The following MROH6 variants were observed in gnomAD, a reference collection of about 807,000 sequenced individuals.
MROH6 encodes the protein maestro heat-like repeat-containing protein family member 6.
Under a neutral mutation model 67.7 loss-of-function variants are expected in MROH6, and 62 were observed. The observed-to-expected ratio is 0.92, with a 90% CI of 0.75 to 1.13. MROH6 has a LOEUF of 1.13. Ranked by LOEUF, MROH6 falls within the 50% of genes most tolerant of loss-of-function variation. The probability of loss-of-function intolerance (pLI) is 0.00; values close to 1 mark genes in which losing one functional copy is unlikely to be tolerated. For missense variants in MROH6, 1,175 were observed against 1,029.1 expected (o/e 1.14, Z -1.94); for synonymous variants, 566 against 470.8 (o/e 1.20, Z -2.62).
rs1823861078 is a variant in MROH6, at chr8:143,569,456, A to T, written c.1461T>A (p.Pro487=). ...LLSAELGPRL[P]PLLDDTRDSI... ...GTTTGCTCACGTCGTCCAGTAGCGG[A>T]GGGAGGCGCGGTCCCAGCTCCGCGC... Residue 487 remains proline (P), a synonymous_variant, in exon 9 of 14, where the codon CCT becomes CCA. Transcript: ENST00000398882. 6.9e-7 allele frequency: 1 copy of T among 1,459,398 alleles called. No homozygotes were observed. The highest frequency in any genetic ancestry group is 2.6e-5 in the Admixed American group (1 of 38,166). 90.4% of individuals were successfully genotyped at this position (1,459,398 alleles called of 1,614,324 possible).
chr8:143,571,497 A>C (rs1182854252), intron 3 of MROH6, among the ~76,000 whole-genome samples, 170 bp downstream of exon 3: 1 of 152,230 alleles, frequency 6.6e-6, no homozygotes, highest in East Asian at 1.9e-4. Flanking sequence ...GAGTTTGCGG[A>C]GCTAAAAATG....
rs1022184348 is a variant in MROH6, at chr8:143,570,921, A to G, written c.676T>C (p.Trp226Arg). Reference sequence around the variant, plus strand: ...GGCCCCGAAGCACCCTTCAGCGCCCACAGCAGTTGCACCAGCACCTGCCCA... The same window carrying G: ...GGCCCCGAAGCACCCTTCAGCGCCCGCAGCAGTTGCACCAGCACCTGCCCA... ...VNGQVLVQLL[W>R]ALKGASGPEP... Residue 226 changes from tryptophan to arginine, a missense_variant, in exon 4 of 14, where the codon TGG becomes CGG. Physicochemically the swap from Trp to Arg is moderately radical, Grantham distance 101. Coordinates refer to ENST00000398882, the MANE Select transcript of MROH6 (RefSeq NM_001100878.2). 6 of 1,362,640 alleles carry G rather than the reference A, an allele frequency of 4.4e-6. No individual in the cohort carries two copies. In the African/African-American group the frequency reaches 9.7e-5, roughly 22 times the overall value. 84.4% of individuals were successfully genotyped at this position (1,362,640 alleles called of 1,614,324 possible). A position where few individuals can be genotyped will look rare whatever the true frequency, so the allele number is the denominator to read the frequency against.
chr8:143,572,678 C>A lies in MROH6; in HGVS notation c.37G>T (p.Glu13Ter). 2 of 1,532,694 alleles carry A rather than the reference C, an allele frequency of 1.3e-6. No homozygotes were observed. The highest frequency in any genetic ancestry group is 2.4e-5 in the South Asian group (2 of 83,646). The allele number at this position is 1,532,694 out of a possible 1,614,324, so 94.9% of individuals were successfully genotyped here. ...AGGGTTAGAGCCCCCACGGGAGCCT[C>A]CCGGGCCCGGCTCCGGCCCCACACA... ...GGVWGRSRAR[E>*]APVGALTLTA... The change falls in exon 1 of 14, where the codon GAG (glutamate) becomes TAG (stop). Residue 13 changes from glutamate to a stop codon, truncating the protein, a stop_gained. Transcript: ENST00000398882. LOFTEE classifies it high-confidence loss of function.
At chr8:143,571,919 T>G in intron 2 of MROH6, 98 bp from the exon 3 acceptor site, 1 of 1,205,140 alleles carries the variant, frequency 8.3e-7, no homozygotes, top group Non-Finnish European at 1.1e-6. Context: ...TGATCCCGCC[T>G]GGCAGGAGCA....
chr8:143,572,596 G>T lies in MROH6; in HGVS notation c.119C>A (p.Ser40Tyr), dbSNP rs1229653068. 6.2e-7 allele frequency: 1 copy of T among 1,600,692 alleles called. No individual in the cohort carries two copies. The highest frequency in any genetic ancestry group is 1.7e-5 in the Admixed American group (1 of 59,024). ...CCAGGACTTGGGCTGAGGGCCTGCG[G>T]AAGGGGGTCCCTGGGGCTGCCCCTG... is the stretch of plus-strand genomic sequence containing the variant. ...ARQGQPQGPP[S>Y]AGPQPKSWEV... The change falls in exon 1 of 14, where the codon TCC becomes TAC. Residue 40 changes from serine to tyrosine, a missense_variant. Coordinates refer to ENST00000398882, the MANE Select transcript of MROH6 (RefSeq NM_001100878.2).
rs749965779 is a variant in MROH6 at position 143,572,084 on chromosome 8, C to G, written c.396G>C (p.Val132=). The change falls in exon 2 of 14, where the codon GTG becomes GTC. Residue 132 remains valine, a synonymous_variant. Coordinates refer to ENST00000398882, the MANE Select transcript of MROH6 (RefSeq NM_001100878.2). ...EAGFAGTQAT[V]LTLSSALEAR... The stretch of plus-strand genomic sequence containing the variant: ...CCTCCAGGGCTGAGGACAGGGTGAG[C>G]ACTGTCGCCTGGGTCCCTGCAAAGC... The G allele has an allele frequency of 2.5e-5, 41 of 1,612,590 alleles. No individual in the cohort carries two copies. The highest frequency in any genetic ancestry group is 3.5e-5 in the Non-Finnish European group (41 of 1,179,752).
At chr8:143,569,644 G>C (rs1345256457) in intron 8 of MROH6, 30 bp from the exon 9 acceptor site, 1 of 1,594,868 alleles carries the variant, frequency 6.3e-7, no homozygotes, top group Non-Finnish European at 8.6e-7. Flanking sequence ...GCCTCTTGCA[G>C]ACCTCGCCGC....
chr8:143,571,689 G>C lies in MROH6; in HGVS notation c.580C>G (p.Pro194Ala). The C allele has an allele frequency of 2.6e-6, 4 of 1,554,028 alleles. No homozygotes were observed. The highest frequency in any genetic ancestry group is 3.5e-6 in the Non-Finnish European group (4 of 1,149,548). ...TACCGATCGGCGGGCAGAGAGCGGG[G>C]TAGCAGCGCACACACCACGTCCCGC... ...HARDVVCALL[P>A]RSLPADRVAA... Residue 194 changes from proline (P) to alanine (A), a missense_variant, in exon 3 of 14, where the codon CCC becomes GCC. Pro to Ala is a conservative substitution (Grantham distance 27, BLOSUM62 -1). Transcript: ENST00000398882.
chr8:143,568,020 T>C, intron 11 of MROH6, 122 bp downstream of exon 11: 1 of 1,463,800 alleles, frequency 6.8e-7, no homozygotes, highest in Non-Finnish European at 9.1e-7. Context: ...GACCTTGGAC[T>C]TGCCCCACCA....
chr8:143,568,198 C>T lies in MROH6; in HGVS notation c.1708G>A (p.Val570Ile). 1.2e-6 allele frequency: 2 copies of T among 1,611,008 alleles called. No homozygotes were observed. Among genetic ancestry groups the T allele is most frequent in the South Asian group, 1.1e-5 (1 of 90,618 alleles). ...GGGCTGTCATAGTGGGCCACGGTGA[C>T]CAACTCCTCCAGCAGGCCCCAGCAA... is the stretch of plus-strand genomic sequence containing the variant. Reference protein sequence around the residue: ...AFCWGLLEELVTVAHYDSPEA... With the variant: ...AFCWGLLEELITVAHYDSPEA... The change falls in exon 11 of 14, where the codon GTC becomes ATC. Residue 570 changes from valine (V) to isoleucine (I), a missense_variant. Coordinates refer to ENST00000398882, the MANE Select transcript of MROH6 (RefSeq NM_001100878.2).
chr8:143,570,782 G>C (rs963588416), intron 4 of MROH6, 95 bp downstream of exon 4: 113 of 1,406,266 alleles, frequency 8.0e-5, no homozygotes, highest in Admixed American at 2.0e-4. Context: ...TCCAGGAGCA[G>C]TTACCTAGGT....
At position 143,571,788 on chromosome 8, in the gene MROH6, C is replaced by T; in HGVS notation, c.481G>A (p.Val161Met). ...GGCCTCCCCTCCGCTAGGCTGGGCA[C>T]CTGCGCCAGCAGCCCACGCACCAGA... is the stretch of plus-strand genomic sequence containing the variant. ...HALVRGLLAQ[V>M]PSLAEGRPWR... The change falls in exon 3 of 14, where the codon GTG becomes ATG. Residue 161 changes from valine to methionine, a missense_variant. Val to Met is a conservative substitution (Grantham distance 21). Transcript: ENST00000398882. 2 of 1,547,396 alleles carry T rather than the reference C, an allele frequency of 1.3e-6. No individual in the cohort carries two copies. Among genetic ancestry groups the T allele is most frequent in the Non-Finnish European group, 8.7e-7 (1 of 1,147,870 alleles).
In MROH6 at chr8:143,567,648, G is replaced by T; in HGVS notation, c.1896C>A (p.Gly632=). Residue 632 remains glycine, a synonymous_variant, in exon 13 of 14, where the codon GGC becomes GGA. Transcript: ENST00000398882. ...AGTCCAGCAGGTCCTGGTTGACACA[G>T]CCGGGGCTGGCGTGGTGGACAAGGA... ...IGFLVHHASP[G]CVNQDLLDSL... 1 of 1,574,236 alleles carries T rather than the reference G, an allele frequency of 6.4e-7. No homozygotes were observed. Among genetic ancestry groups the T allele is most frequent in the Non-Finnish European group, 8.6e-7 (1 of 1,160,708 alleles).
At chr8:143,569,899 A>G in intron 7 of MROH6, 52 bp downstream of exon 7, 1 of 1,610,506 alleles carries the variant, frequency 6.2e-7, no homozygotes, top group African/African-American at 1.3e-5. Flanking sequence ...GCTGCGATTC[A>G]GGGATCAAGT....
chr8:143,570,605 G>A lies in MROH6; in HGVS notation c.773C>T (p.Thr258Met), dbSNP rs200198440. The part of the protein sequence containing the change: ...MLAVSGCVGA[T>M]RGFYPHLLLA... ...CAGCAGATGTGGGTAGAAGCCCCTC[G>A]TGGCTCCCACGCAGCCCGAAACAGC... The change falls in exon 5 of 14, where the codon ACG (threonine) becomes ATG (methionine). Residue 258 changes from threonine to methionine, a missense_variant. Transcript: ENST00000398882. The A allele has an allele frequency of 2.9e-4, 471 of 1,602,704 alleles. No individual in the cohort carries two copies. The highest frequency in any genetic ancestry group is 6.8e-4 in the African/African-American group (51 of 74,916).
At position 143,567,129 on chromosome 8, in the gene MROH6, T is replaced by C; in HGVS notation, c.*110A>G. 1 of 511,868 alleles carries C rather than the reference T, an allele frequency of 2.0e-6. No homozygotes were observed. Among genetic ancestry groups the C allele is most frequent in the Non-Finnish European group, 2.9e-6 (1 of 340,908 alleles). The allele number at this position is 511,868 out of a possible 1,614,324, so 31.7% of individuals were successfully genotyped here. ...CGGGGGTGGGGGGTGGGGGAGGGCA[T>C]TGGCGTCCAGCACCAGGCCCAGGGA... On this transcript the variant is annotated 3_prime_UTR_variant, in exon 14 of 14. Transcript: ENST00000398882.
Position 143,567,085 on chromosome 8 carries a change from G to A in MROH6, c.*154C>T. On this transcript the variant is annotated 3_prime_UTR_variant, in exon 14 of 14. Coordinates refer to ENST00000398882, the MANE Select transcript of MROH6 (RefSeq NM_001100878.2). ...CCCCTCTGTCACCATCAGGGTGGTG[G>A]GTGCCTGAAGAGGGGTCACGGGGGT... is the stretch of plus-strand genomic sequence containing the variant. The A allele has an allele frequency of 2.8e-6, 1 of 362,764 alleles. No homozygotes were observed. Among genetic ancestry groups the A allele is most frequent in the African/African-American group, 2.2e-5 (1 of 45,284 alleles). The allele number at this position is 362,764 out of a possible 1,614,324, so 22.5% of individuals were successfully genotyped here.
In MROH6 at chr8:143,569,934, CCGGG is replaced by C. The variant is rs1823905988; in HGVS notation, c.1158+13_1158+16del. The C allele has an allele frequency of 1.2e-6, 2 of 1,612,392 alleles. No homozygotes were observed. The highest frequency in any genetic ancestry group is 3.3e-5 in the Admixed American group (2 of 59,982). ...TCCAGGGTCACCCTTCACCACCCAT[CCGGG>C]AAGCAGGCTCACCCCTGTGAAGAAG... On this transcript the variant is annotated intron_variant, in intron 7 of 13. Coordinates refer to ENST00000398882, the MANE Select transcript of MROH6 (RefSeq NM_001100878.2).
chr8:143,568,393 C>A, intron 10 of MROH6, 132 bp from the exon 11 acceptor site: 1 of 1,440,260 alleles, frequency 6.9e-7, no homozygotes, highest in East Asian at 2.5e-5. Context: ...ATTGATTCTG[C>A]TCAAGGGAAG....
Sources: allele counts gnomAD v4.1 joint callset (sites outside exome capture counted in the v4.1 genomes callset), GRCh38; gene constraint gnomAD v4.1.1; transcripts MANE v1.5; gene names NCBI Gene and HGNC (gene_info 2026-07-23, HGNC 2026-07-21).